Variants in ESR1 observed in about 807,000 individuals in gnomAD.
The protein encoded by ESR1 is estrogen receptor.
A neutral mutation model predicts 52.7 loss-of-function variants in ESR1; 12 were observed. The ratio of observed to expected loss-of-function variants is 0.23; its 90% CI spans 0.15 to 0.37. ESR1 has a LOEUF of 0.37. ESR1 is among the 10% of genes least tolerant of loss of function. ESR1 has a pLI of 1.00. For synonymous variants in ESR1, 305 were observed against 316.8 expected, an observed-to-expected ratio of 0.96 and a Z score of 0.39; for missense variants, 584 against 779.7, an observed-to-expected ratio of 0.75 and a Z score of 2.99.
At chr6:151,837,630 T>C (rs1261157057) in intron 1 of ESR1, among the ~76,000 whole-genome samples, 1 of 152,206 alleles carries the variant, frequency 6.6e-6, no homozygotes, top group East Asian at 1.9e-4. Flanking sequence ...GATGCGTTCA[T>C]TTCTCATTCG....
intron 5 of ESR1, among the ~76,000 whole-genome samples, chr6:152,049,087 T>C (rs1182658726): frequency 6.6e-6 from 1 of 152,216 alleles, no homozygotes; most frequent in Non-Finnish European, 1.5e-5. Context: ...CATTACAGAA[T>C]TTTCCTCTAG....
chr6:151,790,532 G>A (rs369720928), intron 2 of ESR1, among the ~76,000 whole-genome samples: 8 of 151,220 alleles, frequency 5.3e-5, no homozygotes, highest in East Asian at 1.9e-4. Flanking sequence ...TGATCCTTTC[G>A]TATGCTTGAT....
intron 1 of ESR1, among the ~76,000 whole-genome samples, chr6:151,681,454 C>G (rs1252690506): frequency 1.3e-5 from 2 of 151,214 alleles, no homozygotes; most frequent in African/African-American, 2.4e-5. Context: ...TTGAGGGTCC[C>G]GTGCTCGTCA....
At chr6:151,778,049 C>T (rs1267040004) in intron 2 of ESR1, among the ~76,000 whole-genome samples, 1 of 152,202 alleles carries the variant, frequency 6.6e-6, no homozygotes, top group Non-Finnish European at 1.5e-5. Flanking sequence ...TGACACTTAA[C>T]TACCCAAGAC....
intron 1 of ESR1, among the ~76,000 whole-genome samples, chr6:151,828,146 A>C (rs1469366015): frequency 6.6e-6 from 1 of 152,224 alleles, no homozygotes; most frequent in African/African-American, 2.4e-5. Flanking sequence ...GTAACTAGGC[A>C]CATGTCAGGA....
chr6:151,938,984 C>T (rs1405378424), intron 3 of ESR1, among the ~76,000 whole-genome samples: 2 of 152,100 alleles, frequency 1.3e-5, no homozygotes, highest in African/African-American at 4.8e-5. Context: ...AAAAGTGGTT[C>T]AAAGAAATTT....
chr6:152,055,125 T>C (rs1037352970), intron 5 of ESR1, among the ~76,000 whole-genome samples: 1 of 152,196 alleles, frequency 6.6e-6, no homozygotes, highest in Non-Finnish European at 1.5e-5. Flanking sequence ...TTGGCTATTG[T>C]GAATAATGCT....
chr6:151,859,861 T>C (rs1482543091), intron 2 of ESR1, among the ~76,000 whole-genome samples: 2 of 152,164 alleles, frequency 1.3e-5, no homozygotes. Context: ...ATGTCTACTA[T>C]GTTTGATGTC....
chr6:152,018,342 C>T (rs994571278), intron 5 of ESR1, among the ~76,000 whole-genome samples: 2 of 151,116 alleles, frequency 1.3e-5, no homozygotes, highest in Non-Finnish European at 2.9e-5. Flanking sequence ...ATCAATGCTT[C>T]CAGTAACATA....
At chr6:151,879,510 T>C (rs1179890680) in intron 2 of ESR1, among the ~76,000 whole-genome samples, 1 of 152,124 alleles carries the variant, frequency 6.6e-6, no homozygotes, top group Non-Finnish European at 1.5e-5. Flanking sequence ...GACTCTTTTA[T>C]GGGACAGTCT....
chr6:151,891,681 G>T (rs567469261), intron 3 of ESR1, among the ~76,000 whole-genome samples: 1 of 152,044 alleles, frequency 6.6e-6, no homozygotes, highest in Non-Finnish European at 1.5e-5. Flanking sequence ...ATTGTTATGC[G>T]TCTGCCTGGC....
intron 3 of ESR1, among the ~76,000 whole-genome samples, chr6:151,885,995 A>G (rs146630557): frequency 1.6e-4 from 25 of 152,280 alleles, no homozygotes; most frequent in African/African-American, 5.5e-4. Context: ...TGTCTTAAAA[A>G]TAATTACTAT....
intron 3 of ESR1, among the ~76,000 whole-genome samples, chr6:151,883,088 A>C (rs1368050194): frequency 6.6e-6 from 1 of 152,064 alleles, no homozygotes; most frequent in East Asian, 1.9e-4. Context: ...TGCATAATCA[A>C]AGTGCTGGAA....
chr6:151,863,773 T>C (rs1278934836), intron 2 of ESR1, among the ~76,000 whole-genome samples: 1 of 152,178 alleles, frequency 6.6e-6, no homozygotes, highest in Non-Finnish European at 1.5e-5. Flanking sequence ...TACAACCATC[T>C]GATCTTTGAC....
chr6:151,701,507 T>C (rs1582939149), intron 1 of ESR1, among the ~76,000 whole-genome samples: 2 of 118,372 alleles, frequency 1.7e-5, no homozygotes, highest in Non-Finnish European at 3.2e-5. Context: ...CCAATCTGGG[T>C]GGCAAGAGCG....
At chr6:151,908,761 C>T (rs1025548503) in intron 3 of ESR1, among the ~76,000 whole-genome samples, 2 of 151,132 alleles carry the variant, frequency 1.3e-5, no homozygotes, top group Non-Finnish European at 2.9e-5. Flanking sequence ...TCTTTCTAAA[C>T]AATTGAGAAA....
intron 5 of ESR1, among the ~76,000 whole-genome samples, chr6:152,037,678 CA>C (rs1250008482): frequency 6.6e-6 from 1 of 152,110 alleles, no homozygotes; most frequent in African/African-American, 2.4e-5. Context: ...CACATTTTCT[CA>C]ATTATCCCTA....
intron 2 of ESR1, among the ~76,000 whole-genome samples, chr6:151,787,251 T>C (rs754086581): frequency 1.2e-4 from 18 of 152,212 alleles, no homozygotes; most frequent in Non-Finnish European, 1.8e-4. Context: ...TGTAGCCCTG[T>C]AGTATGGTTT....
intron 2 of ESR1, among the ~76,000 whole-genome samples, chr6:151,750,622 A>G (rs1271029195): frequency 6.6e-6 from 1 of 152,188 alleles, no homozygotes; most frequent in African/African-American, 2.4e-5. Context: ...AGGGTGAGAA[A>G]CAATCCTTTG....
Sources: allele counts gnomAD v4.1 joint callset (sites outside exome capture counted in the v4.1 genomes callset), GRCh38; gene constraint gnomAD v4.1.1; transcripts MANE v1.5; gene names NCBI Gene and HGNC (gene_info 2026-07-23, HGNC 2026-07-21).